Variants in KIAA0513 observed in about 807,000 individuals in gnomAD.
The protein encoded by KIAA0513 is KIAA0513.
A neutral mutation model predicts 56.5 loss-of-function variants in KIAA0513; 39 were observed. That is an observed-to-expected ratio of 0.69 (90% CI 0.53 to 0.90). The LOEUF (loss-of-function observed/expected upper bound fraction) is 0.90. Ranked by LOEUF, KIAA0513 falls within the 40% of genes least tolerant of loss-of-function variation. The pLI, the probability that KIAA0513 is intolerant of heterozygous loss-of-function variation, is 0.00. For synonymous variants in KIAA0513, 268 were observed against 215.6 expected, an observed-to-expected ratio of 1.24 and a Z score of -2.13; for missense variants, 591 against 535.2, an observed-to-expected ratio of 1.10 and a Z score of -1.03.
At chr16:85,065,980 G>A (rs1392881852) in intron 1 of KIAA0513, among the ~76,000 whole-genome samples, 4 of 152,248 alleles carry the variant, frequency 2.6e-5, no homozygotes, top group South Asian at 4.1e-4. Context: ...ACACATGCAC[G>A]TAGTCAGGAG....
In KIAA0513 at chr16:85,067,251, G is replaced by T. The variant is rs200467083; in HGVS notation, c.180G>T (p.Ser60=). 8 of 1,613,950 alleles carry T rather than the reference G, an allele frequency of 5.0e-6. No individual in the cohort carries two copies. Among genetic ancestry groups the T allele is most frequent in the Non-Finnish European group, 6.8e-6 (8 of 1,180,018 alleles). Residue 60 remains serine (S), a synonymous_variant, in exon 2 of 13, where the codon TCG becomes TCT. Transcript: ENST00000683363. ...SADSENDMGE[S]PSHPSWDQDR... ...ACAGTGAGAATGACATGGGCGAGTC[G>T]CCCTCGCACCCGTCCTGGGACCAAG...
chr16:85,083,274 G>C (rs987329446), intron 10 of KIAA0513, among the ~76,000 whole-genome samples: 6 of 152,196 alleles, frequency 3.9e-5, no homozygotes, highest in African/African-American at 1.4e-4. Context: ...AATCCTTTGT[G>C]ATGTATTTTT....
chr16:85,082,628 A>T (rs775148425), intron 10 of KIAA0513, 35 bp downstream of exon 10: 1 of 1,612,208 alleles, frequency 6.2e-7, no homozygotes, highest in African/African-American at 1.3e-5. Context: ...TCCATTTTAC[A>T]GTGCGGGCTC....
intron 2 of KIAA0513, among the ~76,000 whole-genome samples, chr16:85,071,153 A>G (rs897656483): frequency 3.0e-4 from 45 of 152,074 alleles, no homozygotes; most frequent in African/African-American, 1.0e-3. Context: ...TGAGCATGTT[A>G]TCCATCCTAG....
chr16:85,072,897 A>C lies in KIAA0513; in HGVS notation c.430-28A>C, dbSNP rs769448960. 18 of 1,611,718 alleles carry C rather than the reference A, an allele frequency of 1.1e-5. No individual in the cohort carries two copies. The Middle Eastern group carries it at 4.9e-4, about 44-fold the overall frequency. On this transcript the variant is annotated intron_variant, in intron 3 of 12. Transcript: ENST00000683363. ...TGCTGCGTGTGTCGCCCTGAACCTC[A>C]ATGATGTGTCTGCCTCTTTCTGGAC...
At chr16:85,037,945 T>C (rs944628374) in intron 1 of KIAA0513, among the ~76,000 whole-genome samples, 1 of 152,180 alleles carries the variant, frequency 6.6e-6, no homozygotes, top group African/African-American at 2.4e-5. Context: ...CTTGCTAGCA[T>C]GCCAGTCCAC....
chr16:85,057,453 C>A (rs1480543284), intron 1 of KIAA0513, among the ~76,000 whole-genome samples: 1 of 152,218 alleles, frequency 6.6e-6, no homozygotes, highest in African/African-American at 2.4e-5. Context: ...ACCTTGCAGA[C>A]TATGGCAGGT....
chr16:85,036,762 C>T (rs1466621099), intron 1 of KIAA0513, among the ~76,000 whole-genome samples: 2 of 152,214 alleles, frequency 1.3e-5, no homozygotes, highest in African/African-American at 4.8e-5. Context: ...CAGCCCAGCA[C>T]CCCCTGCCCG....
At chr16:85,085,375 G>A (rs539564634) in intron 10 of KIAA0513, among the ~76,000 whole-genome samples, 4 of 152,366 alleles carry the variant, frequency 2.6e-5, no homozygotes, top group South Asian at 2.1e-4. Flanking sequence ...AGGGGGTGGC[G>A]AGGAGCCAGG....
At chr16:85,057,946 G>A (rs1395450963) in intron 1 of KIAA0513, among the ~76,000 whole-genome samples, 4 of 151,996 alleles carry the variant, frequency 2.6e-5, no homozygotes, top group African/African-American at 9.7e-5. Flanking sequence ...CAACATTTTT[G>A]TCTTTACTGG....
intron 1 of KIAA0513, among the ~76,000 whole-genome samples, chr16:85,049,292 A>G (rs2073214668): frequency 6.6e-6 from 1 of 152,202 alleles, no homozygotes; most frequent in Non-Finnish European, 1.5e-5. Flanking sequence ...AGAGGCATGG[A>G]TGTCCTCAGT....
In KIAA0513 at chr16:85,077,547, A is replaced by C; in HGVS notation, c.697A>C (p.Asn233His). Residue 233 changes from asparagine to histidine, a missense_variant, in exon 6 of 13, where the codon AAC (asparagine) becomes CAC (histidine). Transcript: ENST00000683363. ...GGACATCGCCGAGCGGCTGCTGAAG[A>C]ACACCTCGGCCAGGACTGAGAATGT... The part of the protein sequence containing the change: ...KKDIAERLLK[N>H]TSARTENVKG... 6.2e-7 allele frequency: 1 copy of C among 1,614,170 alleles called. No homozygotes were observed.
At chr16:85,049,042 C>T (rs897945394) in intron 1 of KIAA0513, among the ~76,000 whole-genome samples, 3 of 152,218 alleles carry the variant, frequency 2.0e-5, no homozygotes, top group Non-Finnish European at 2.9e-5. Flanking sequence ...ACACCAACAC[C>T]GAGTGCTTCT....
At chr16:85,048,346 C>T (rs543653854) in intron 1 of KIAA0513, among the ~76,000 whole-genome samples, 1 of 152,294 alleles carries the variant, frequency 6.6e-6, no homozygotes, top group South Asian at 2.1e-4. Context: ...TCGATGGAGA[C>T]ATGGAAAGGG....
At chr16:85,065,480 C>T (rs1018127818) in intron 1 of KIAA0513, among the ~76,000 whole-genome samples, 3 of 152,336 alleles carry the variant, frequency 2.0e-5, no homozygotes, top group African/African-American at 4.8e-5. Context: ...CTGAACACGC[C>T]TAGCACCACG....
At chr16:85,065,489 C>T (rs920250616) in intron 1 of KIAA0513, among the ~76,000 whole-genome samples, 7 of 152,204 alleles carry the variant, frequency 4.6e-5, no homozygotes, top group Non-Finnish European at 1.5e-5. Flanking sequence ...CCTAGCACCA[C>T]GCTGGTGACC....
chr16:85,047,345 G>A (rs1226436626), intron 1 of KIAA0513, among the ~76,000 whole-genome samples: 1 of 152,206 alleles, frequency 6.6e-6, no homozygotes, highest in East Asian at 1.9e-4. Flanking sequence ...TTTCCCGAGA[G>A]CTCCTCCCTC....
chr16:85,061,912 G>A (rs907441100), intron 1 of KIAA0513, among the ~76,000 whole-genome samples: 3 of 152,146 alleles, frequency 2.0e-5, no homozygotes, highest in African/African-American at 7.2e-5. Flanking sequence ...GTGGCTCCCC[G>A]GCCTCATTGG....
At chr16:85,070,097 G>T (rs1263996548) in intron 2 of KIAA0513, among the ~76,000 whole-genome samples, 1 of 151,830 alleles carries the variant, frequency 6.6e-6, no homozygotes, top group Admixed American at 6.6e-5. Context: ...ATTGAGCCAG[G>T]GAGGCTTAGG....
Sources: gnomAD v4.1 joint callset for allele counts (sites outside exome capture counted in the v4.1 genomes callset) on GRCh38, gnomAD v4.1.1 for gene constraint, MANE v1.5 for transcripts, NCBI Gene and HGNC (gene_info 2026-07-23, HGNC 2026-07-21) for gene names.